Variants in CEP250 observed in about 807,000 individuals in gnomAD.
CEP250 encodes centrosomal protein 250, also known as centrosome-associated protein CEP250.
A neutral mutation model predicts 315.7 loss-of-function variants in CEP250; 242 were observed. The ratio of observed to expected loss-of-function variants is 0.77; its 90% CI spans 0.69 to 0.85. CEP250 has a LOEUF of 0.85. Among genes scored for constraint, CEP250 ranks in the 40% least tolerant of loss-of-function variants. CEP250 has a pLI of 0.00. For synonymous variants in CEP250, 1,088 were observed against 1,175.0 expected (o/e 0.93, Z 1.51); for missense variants, 2,515 against 2,886.4 (o/e 0.87, Z 2.95).
At chr20:35,492,405 G>A (rs780614669) in intron 22 of CEP250, among the ~76,000 whole-genome samples, 2 of 152,036 alleles carry the variant, frequency 1.3e-5, no homozygotes, top group Non-Finnish European at 2.9e-5. Flanking sequence ...TGCGATGATA[G>A]TTGCACAACT....
Position 35,462,299 on chromosome 20 carries a change from A to C in CEP250, c.-69A>C. ...AGGTTGAAGTGGCATGGCAATGGTT[A>C]GAGACCCTGCTGGGCGTGAACACCC... is the stretch of plus-strand genomic sequence containing the variant. On this transcript the variant is annotated 5_prime_UTR_variant, in exon 4 of 35. The change abolishes the stop of an existing upstream ORF in the 5' untranslated region. Transcript: ENST00000397527. 5 of 1,307,606 alleles carry C rather than the reference A, an allele frequency of 3.8e-6. No homozygotes were observed. The highest frequency in any genetic ancestry group is 1.5e-5 in the African/African-American group (1 of 67,892). The allele number at this position is 1,307,606 out of a possible 1,614,324, so 81.0% of individuals were successfully genotyped here.
At chr20:35,494,289 T>G in intron 23 of CEP250, 1 of 468,706 alleles carries the variant, frequency 2.1e-6, no homozygotes. Flanking sequence ...AAGATTTTTA[T>G]TTGTGCCTGC....
At chr20:35,456,877 G>T (rs999088651) in intron 1 of CEP250, among the ~76,000 whole-genome samples, 1 of 151,588 alleles carries the variant, frequency 6.6e-6, no homozygotes, top group African/African-American at 2.4e-5. Flanking sequence ...TGTCTCCCAG[G>T]TTCAGGCGAT....
At chr20:35,480,844 T>A (rs2063327360) in intron 20 of CEP250, among the ~76,000 whole-genome samples, 1 of 152,030 alleles carries the variant, frequency 6.6e-6, no homozygotes, top group Non-Finnish European at 1.5e-5. Context: ...TGCCTCAGCC[T>A]CCTAAAGTGC....
Position 35,504,032 on chromosome 20 carries a change from T to C in CEP250, c.5663T>C (p.Val1888Ala). Residue 1888 changes from valine to alanine, a missense_variant, in exon 30 of 35, where the codon GTG becomes GCG. Coordinates refer to ENST00000397527, the MANE Select transcript of CEP250 (RefSeq NM_007186.6). ...EGRRVQALEE[V>A]LGDLRAESRE... ...CGGCGGGTCCAGGCCCTGGAGGAGG[T>C]GCTGGGAGACCTAAGGGCTGAGTCT... 6.2e-7 allele frequency: 1 copy of C among 1,604,414 alleles called. No individual in the cohort carries two copies.
intron 2 of CEP250, among the ~76,000 whole-genome samples, chr20:35,458,576 A>ACG (rs2062683277): frequency 0.017 from 1 of 58 alleles, no homozygotes; most frequent in Non-Finnish European, 0.062. Flanking sequence ...CCAATTTGTT[A>ACG]GTTTGCCAGC....
chr20:35,458,831 AACTTTAAATC>A (rs1480451069), intron 2 of CEP250, among the ~76,000 whole-genome samples: 1 of 152,146 alleles, frequency 6.6e-6, no homozygotes, highest in Non-Finnish European at 1.5e-5. Context: ...GGTTTTAAAA[AACTTTAAATC>A]ATTTTTTAAA....
Position 35,462,374 on chromosome 20 carries a change from A to T in CEP250, c.7A>T (p.Thr3Ser), listed in dbSNP as rs1001295483. 1 of 1,583,784 alleles carries T rather than the reference A, an allele frequency of 6.3e-7. No homozygotes were observed. The highest frequency in any genetic ancestry group is 8.6e-7 in the Non-Finnish European group (1 of 1,163,842). Residue 3 changes from threonine (T) to serine (S), a missense_variant, in exon 4 of 35, where the codon ACA becomes TCA. Coordinates refer to ENST00000397527, the MANE Select transcript of CEP250 (RefSeq NM_007186.6). The stretch of plus-strand genomic sequence containing the variant: ...CCTACCACCTGGTGCCCTCATGGAG[A>T]CAAGAAGCCCTGGGTTGAACAACAT... ME[T>S]RSPGLNNMKP...
Position 35,467,077 on chromosome 20 carries a change from G to T in CEP250, c.599+5G>T, listed in dbSNP as rs1162584600. The T allele has an allele frequency of 2.5e-6, 4 of 1,605,944 alleles. No homozygotes were observed. The highest frequency in any genetic ancestry group is 1.7e-5 in the Admixed American group (1 of 59,856). On this transcript the variant is annotated splice_donor_5th_base_variant and intron_variant, in intron 8 of 34. Transcript: ENST00000397527. ...AATGAAGTCAGCTACTGACAGGTCAGTGTGGGGAGAAGAAGGGAGGAGGTT... is the reference window on the plus strand; with the variant it reads ...AATGAAGTCAGCTACTGACAGGTCATTGTGGGGAGAAGAAGGGAGGAGGTT...
intron 20 of CEP250, 147 bp from the exon 21 acceptor site, chr20:35,490,490 T>G: frequency 1.9e-6 from 1 of 539,576 alleles, no homozygotes; most frequent in Non-Finnish European, 3.1e-6. Context: ...AATATTAGCC[T>G]TGCTTTACAG....
chr20:35,502,097 G>A (rs2064023376), intron 29 of CEP250, 131 bp downstream of exon 29: 2 of 1,102,354 alleles, frequency 1.8e-6, no homozygotes, highest in East Asian at 4.8e-5. Context: ...CATGTCCCTG[G>A]GGGCCATTAT....
intron 26 of CEP250, 27 bp from the exon 27 acceptor site, chr20:35,498,568 G>T (rs886346261): frequency 6.2e-7 from 1 of 1,604,458 alleles, no homozygotes; most frequent in African/African-American, 1.3e-5. Context: ...TGGCAGCCAG[G>T]TAAGGAGGTT....
intron 17 of CEP250, among the ~76,000 whole-genome samples, chr20:35,478,935 T>A (rs1234235691): frequency 2.0e-5 from 3 of 152,176 alleles, no homozygotes; most frequent in Non-Finnish European, 4.4e-5. Flanking sequence ...CTCGGGACAT[T>A]GATGACTTTC....
Position 35,462,363 on chromosome 20 carries a change from C to T in CEP250, c.-5C>T, listed in dbSNP as rs747124216. On this transcript the variant is annotated 5_prime_UTR_variant, in exon 4 of 35. Transcript: ENST00000397527. Reference sequence around the variant, plus strand: ...GGACCTGTGGGCCTACCACCTGGTGCCCTCATGGAGACAAGAAGCCCTGGG... The same window carrying T: ...GGACCTGTGGGCCTACCACCTGGTGTCCTCATGGAGACAAGAAGCCCTGGG... The T allele has an allele frequency of 5.1e-6, 8 of 1,573,088 alleles. No individual in the cohort carries two copies. The highest frequency in any genetic ancestry group is 6.9e-6 in the Non-Finnish European group (8 of 1,157,098).
Position 35,513,257 on chromosome 20 carries a change from C to G in CEP250, c.*1631C>G, listed in dbSNP as rs1220375668. On this transcript the variant is annotated 3_prime_UTR_variant, in exon 35 of 35. Coordinates refer to ENST00000397527, the MANE Select transcript of CEP250 (RefSeq NM_007186.6). ...GCTTTTAGGCCATTTATTTCTTTTT[C>G]CTTTTTTTTTTTTTGAGACAGAGTT... 5 of 151,024 alleles carry G rather than the reference C, an allele frequency of 3.3e-5. No homozygotes were observed. In the East Asian group the frequency reaches 9.7e-4, roughly 29 times the overall value. The allele number at this position is 151,024 out of a possible 1,614,324, so 9.4% of individuals were successfully genotyped here. A position where few individuals can be genotyped will look rare whatever the true frequency, so the allele number is the denominator to read the frequency against.
intron 10 of CEP250, 94 bp from the exon 11 acceptor site, chr20:35,471,956 T>C: frequency 1.3e-6 from 1 of 756,130 alleles, no homozygotes; most frequent in Middle Eastern, 2.4e-4. Flanking sequence ...GCTGATAGAA[T>C]AGACAGAATG....
rs2063178854 is a variant in CEP250, at chr20:35,476,527, G to A, written c.1795G>A (p.Val599Ile). ...TEVADLRAAA[V>I]KLSALNEALA... ...AGTAGCTGATCTTCGGGCTGCAGCT[G>A]TCAAGCTCAGTGCCTTAAATGAGGC... Residue 599 changes from valine to isoleucine, a missense_variant, in exon 16 of 35, where the codon GTC (valine) becomes ATC (isoleucine). Transcript: ENST00000397527. 1 of 1,614,104 alleles carries A rather than the reference G, an allele frequency of 6.2e-7. No individual in the cohort carries two copies. The highest frequency in any genetic ancestry group is 1.7e-5 in the Admixed American group (1 of 60,028).
At chr20:35,495,117 G>C (rs1455947778) in intron 24 of CEP250, among the ~76,000 whole-genome samples, 1 of 152,224 alleles carries the variant, frequency 6.6e-6, no homozygotes, top group African/African-American at 2.4e-5. Flanking sequence ...GTGAGGGGGA[G>C]TTCTATTCCG....
In CEP250 at chr20:35,503,533, G is replaced by T; in HGVS notation, c.5164G>T (p.Gly1722Trp). ...GAAGGGCCCAAGTAAAGCACAGCGCGGGAGCCTAGAGCACATGAAGCTGAT... is the reference window on the plus strand; with the variant it reads ...GAAGGGCCCAAGTAAAGCACAGCGCTGGAGCCTAGAGCACATGAAGCTGAT... ...EGKGPSKAQR[G>W]SLEHMKLILR... The change falls in exon 30 of 35, where the codon GGG becomes TGG. Residue 1722 changes from glycine to tryptophan, a missense_variant. Physicochemically the swap from Gly to Trp is radical, Grantham distance 184. Coordinates refer to ENST00000397527, the MANE Select transcript of CEP250 (RefSeq NM_007186.6). The surrounding 1 kb of genome is among the most constrained non-coding windows in gnomAD (Gnocchi z 4.2). 1 of 1,614,026 alleles carries T rather than the reference G, an allele frequency of 6.2e-7. No individual in the cohort carries two copies. Among genetic ancestry groups the T allele is most frequent in the South Asian group, 1.1e-5 (1 of 91,066 alleles).
Sources: gnomAD v4.1 joint callset for allele counts (sites outside exome capture counted in the v4.1 genomes callset) on GRCh38, gnomAD v4.1.1 for gene constraint, Gnocchi (gnomAD v3.1) non-coding constraint, MANE v1.5 for transcripts, NCBI Gene and HGNC (gene_info 2026-07-23, HGNC 2026-07-21) for gene names.